Variants in HMGB1 observed in about 807,000 individuals in gnomAD.
HMGB1 encodes the protein high mobility group protein B1.
For synonymous variants in HMGB1, 81 were observed against 84.0 expected (o/e 0.96, Z 0.19); for missense variants, 79 against 253.5 (o/e 0.31, Z 4.67).
chr13:30,583,829 A>C (rs936354153), intron 1 of HMGB1, among the ~76,000 whole-genome samples: 6 of 143,086 alleles, frequency 4.2e-5, no homozygotes, highest in South Asian at 2.3e-4. Flanking sequence ...CTGTCTCAAA[A>C]AAAAAAAAAA....
intron 1 of HMGB1, among the ~76,000 whole-genome samples, chr13:30,497,213 G>A (rs17605768): frequency 0.18 from 27,147 of 151,958 alleles, 3,087 homozygotes; most frequent in Non-Finnish European, 0.26. Context: ...TGAACACTTC[G>A]AATGATTATG....
intron 1 of HMGB1, among the ~76,000 whole-genome samples, chr13:30,582,405 G>A (rs536125737): frequency 2.6e-5 from 4 of 152,234 alleles, no homozygotes; most frequent in South Asian, 4.2e-4. Flanking sequence ...TTGGGAGTCC[G>A]AGGCGGGCAG....
intron 1 of HMGB1, among the ~76,000 whole-genome samples, chr13:30,515,242 C>T (rs1303974725): frequency 6.6e-6 from 1 of 152,180 alleles, no homozygotes; most frequent in Non-Finnish European, 1.5e-5. Flanking sequence ...TACAGAGCCA[C>T]AAGGAAGTGG....
At chr13:30,582,755 C>T (rs1566031731) in intron 1 of HMGB1, among the ~76,000 whole-genome samples, 1 of 152,134 alleles carries the variant, frequency 6.6e-6, no homozygotes, top group Non-Finnish European at 1.5e-5. Flanking sequence ...AATATAACCC[C>T]ACGTAACGAC....
chr13:30,538,647 CTTT>C (rs1868655333), intron 1 of HMGB1, among the ~76,000 whole-genome samples: 1 of 52,718 alleles, frequency 1.9e-5, no homozygotes, highest in Non-Finnish European at 3.2e-5. Context: ...TTCTTCCTTT[CTTT>C]CTTTCTTTCT....
Position 30,458,385 on chromosome 13 carries a change from A to C in HMGB1, c.*2972T>G, listed in dbSNP as rs1388045961. The C allele has an allele frequency of 7.0e-6, 1 of 142,826 alleles. No individual in the cohort carries two copies. Among genetic ancestry groups the C allele is most frequent in the Non-Finnish European group, 1.5e-5 (1 of 67,082 alleles). 8.8% of individuals were successfully genotyped at this position (142,826 alleles called of 1,614,324 possible). A position where few individuals can be genotyped will look rare whatever the true frequency, so the allele number is the denominator to read the frequency against. Reference sequence around the variant, plus strand: ...TGCTCTGTCACCCAGGCTGGAGTGCAGTGGCACAATCTCGGCTCACTGCAA... The same window carrying C: ...TGCTCTGTCACCCAGGCTGGAGTGCCGTGGCACAATCTCGGCTCACTGCAA... On this transcript the variant is annotated 3_prime_UTR_variant, in exon 5 of 5. Coordinates refer to ENST00000341423, the MANE Select transcript of HMGB1 (RefSeq NM_002128.7).
intron 1 of HMGB1, among the ~76,000 whole-genome samples, chr13:30,558,588 A>G (rs959793831): frequency 6.6e-6 from 1 of 152,218 alleles, no homozygotes; most frequent in Admixed American, 6.5e-5. Context: ...GCTTTTAGCA[A>G]TAATCCTAGT....
chr13:30,557,789 C>A (rs1869752198), intron 1 of HMGB1, among the ~76,000 whole-genome samples: 1 of 152,176 alleles, frequency 6.6e-6, no homozygotes, highest in African/African-American at 2.4e-5. Flanking sequence ...AGCTCTAGTT[C>A]TCACCTAAAG....
intron 1 of HMGB1, among the ~76,000 whole-genome samples, chr13:30,571,681 C>G (rs1870443199): frequency 6.6e-6 from 1 of 152,034 alleles, no homozygotes; most frequent in African/African-American, 2.4e-5. Flanking sequence ...GGTTTTGAAG[C>G]CACAAGCAGG....
At chr13:30,471,007 C>A (rs1274033783) in intron 1 of HMGB1, among the ~76,000 whole-genome samples, 3 of 151,524 alleles carry the variant, frequency 2.0e-5, no homozygotes, top group Admixed American at 2.0e-4. Flanking sequence ...GAGACAGAGG[C>A]TTGCTCTATT....
chr13:30,474,275 A>G (rs1467570871), intron 1 of HMGB1, among the ~76,000 whole-genome samples: 2 of 152,230 alleles, frequency 1.3e-5, no homozygotes, highest in African/African-American at 4.8e-5. Context: ...GACAGGAACA[A>G]TGGAACACTC....
Position 30,526,517 on chromosome 13 carries a change from CTG to C in HMGB1, c.-14-62825_-14-62824del, listed in dbSNP as rs1888370901. Among the ~76,000 whole-genome samples the C allele has an allele frequency of 1.5e-5, 2 of 132,232 alleles. 1 individual carries two copies. The highest frequency in any genetic ancestry group is 4.7e-4 in the South Asian group (2 of 4,268). 86.7% of individuals were successfully genotyped at this position (132,232 alleles called of 152,430 possible). A position where few individuals can be genotyped will look rare whatever the true frequency, so the allele number is the denominator to read the frequency against. ...GTTCTGCCTGCATATCATTTCACCT[CTG>C]AGTCTGAGATTCTTCATCCAGAGAG... On this transcript the variant is annotated intron_variant, in intron 1 of 4. Transcript: ENST00000405805.
At chr13:30,510,457 A>G (rs913561508) in intron 1 of HMGB1, among the ~76,000 whole-genome samples, 42 of 152,014 alleles carry the variant, frequency 2.8e-4, no homozygotes, top group Admixed American at 1.3e-4. Context: ...AACCTCTGGG[A>G]AAAAAAAGAA....
chr13:30,473,714 C>T (rs1236281922), intron 1 of HMGB1, among the ~76,000 whole-genome samples: 2 of 152,144 alleles, frequency 1.3e-5, no homozygotes, highest in Non-Finnish European at 2.9e-5. Flanking sequence ...AAAGGTTAAA[C>T]ACAGATAGAT....
Position 30,459,996 on chromosome 13 carries a change from T to G in HMGB1, c.*1361A>C, listed in dbSNP as rs1886208978. On this transcript the variant is annotated 3_prime_UTR_variant, in exon 5 of 5. Coordinates refer to ENST00000341423, the MANE Select transcript of HMGB1 (RefSeq NM_002128.7). Reference sequence around the variant, plus strand: ...AACAGCACTCCATCACAAAAGCGTGTAAAATTACAAGAACGCTATTTTAAA... The same window carrying G: ...AACAGCACTCCATCACAAAAGCGTGGAAAATTACAAGAACGCTATTTTAAA... 1 of 152,582 alleles carries G rather than the reference T, an allele frequency of 6.6e-6. No individual in the cohort carries two copies. Among genetic ancestry groups the G allele is most frequent in the African/African-American group, 2.4e-5 (1 of 41,446 alleles). 9.5% of individuals were successfully genotyped at this position (152,582 alleles called of 1,614,324 possible). A position where few individuals can be genotyped will look rare whatever the true frequency, so the allele number is the denominator to read the frequency against.
At chr13:30,590,304 T>A (rs749947304) in intron 1 of HMGB1, among the ~76,000 whole-genome samples, 1 of 152,314 alleles carries the variant, frequency 6.6e-6, no homozygotes, top group Non-Finnish European at 1.5e-5. Context: ...TACAGCACTT[T>A]AAATTTTATT....
At chr13:30,525,880 A>C (rs1019156469) in intron 1 of HMGB1, among the ~76,000 whole-genome samples, 7 of 151,942 alleles carry the variant, frequency 4.6e-5, no homozygotes, top group Non-Finnish European at 8.8e-5. Context: ...GCCTAACCAT[A>C]TAATGGGGGT....
intron 1 of HMGB1, chr13:30,464,696 G>C (rs1009897580): frequency 7.5e-5 from 71 of 941,900 alleles, no homozygotes; most frequent in Non-Finnish European, 8.3e-5. Context: ...GCCGCTGCGC[G>C]TCTTCTCCGC....
Position 30,534,765 on chromosome 13 carries a change from T to TG in HMGB1, c.-14-71072dup, listed in dbSNP as rs1888576259. The stretch of plus-strand genomic sequence containing the variant: ...TTAACTTTTGTACTTTTAGTAGAGA[T>TG]GGGGTTTCACCATGTTGGCTAGGCT... On this transcript the variant is annotated intron_variant, in intron 1 of 4. Transcript: ENST00000405805. Among the ~76,000 whole-genome samples, 11 of 152,122 alleles carry TG rather than the reference T, an allele frequency of 7.2e-5. No individual in the cohort carries two copies. The South Asian group carries it at 2.3e-3, about 32-fold the overall frequency.
Sources: allele counts gnomAD v4.1 joint callset (sites outside exome capture counted in the v4.1 genomes callset), GRCh38; gene constraint gnomAD v4.1.1; transcripts MANE v1.5; gene names NCBI Gene and HGNC (gene_info 2026-07-23, HGNC 2026-07-21).